ASPRV1: variants seen among roughly 807,000 people sequenced by gnomAD.
ASPRV1 encodes the protein aspartic peptidase retroviral like 1.
In ASPRV1, 7 loss-of-function variants were observed where a neutral mutation model predicts 11.0. That is an observed-to-expected ratio of 0.64 (90% CI 0.36 to 1.20). The LOEUF (loss-of-function observed/expected upper bound fraction) is 1.20. Among genes scored for constraint, ASPRV1 ranks in the 50% most tolerant of loss-of-function variants. The pLI, the probability that ASPRV1 is intolerant of heterozygous loss-of-function variation, is 0.02. For missense variants in ASPRV1, 299 were observed against 320.0 expected (o/e 0.93, Z 0.50); for synonymous variants, 136 against 138.4 (o/e 0.98, Z 0.12).
At chr2:69,955,855 T>C (rs113116035), downstream of ASPRV1, among the ~76,000 whole-genome samples, 650 of 152,144 alleles carry the variant, frequency 4.3e-3, 5 homozygotes, top group African/African-American at 0.015. Flanking sequence ...GAGAGAAATA[T>C]AGAGAAGTGG....
At chr2:70,051,024 C>G in the ASPRV1 span, 3 of 152,042 alleles carry the variant, frequency 2.0e-5, no homozygotes, top group Non-Finnish European at 4.4e-5. Flanking sequence ...TCTGAAAATT[C>G]AACCTTTAAT....
chr2:70,006,917 C>A, the ASPRV1 span, among the ~76,000 whole-genome samples: 5 of 152,166 alleles, frequency 3.3e-5, no homozygotes, highest in Non-Finnish European at 2.9e-5. Flanking sequence ...AGAGTGCAGC[C>A]TTGGGTTGGG....
At chr2:69,949,448 T>C in the ASPRV1 span, among the ~76,000 whole-genome samples, 2 of 152,130 alleles carry the variant, frequency 1.3e-5, no homozygotes, top group Non-Finnish European at 2.9e-5. Context: ...TTGATCACCA[T>C]CGGAATTGTA....
At chr2:69,986,965 C>T in the ASPRV1 span, among the ~76,000 whole-genome samples, 8 of 152,182 alleles carry the variant, frequency 5.3e-5, no homozygotes, top group Non-Finnish European at 1.0e-4. Context: ...GGTCTGGGGC[C>T]TGGCAGAGAG....
At chr2:70,008,414 T>C in the ASPRV1 span, among the ~76,000 whole-genome samples, 2 of 152,170 alleles carry the variant, frequency 1.3e-5, no homozygotes, top group South Asian at 4.2e-4. Flanking sequence ...TTCTCCAGAA[T>C]ATTCAGAAGT....
At chr2:69,956,365 T>C (rs780601039), downstream of ASPRV1, among the ~76,000 whole-genome samples, 15 of 151,110 alleles carry the variant, frequency 9.9e-5, no homozygotes, top group Non-Finnish European at 7.4e-5. Flanking sequence ...GGAGGATCAC[T>C]TGAGCCCAGG....
chr2:70,077,357 T>G, the ASPRV1 span: 4 of 152,166 alleles, frequency 2.6e-5, no homozygotes, highest in Non-Finnish European at 5.9e-5. Flanking sequence ...TTATTTCATT[T>G]CCTTCATGTA....
chr2:70,010,237 G>A, the ASPRV1 span, among the ~76,000 whole-genome samples: 1 of 152,088 alleles, frequency 6.6e-6, no homozygotes, highest in Admixed American at 6.6e-5. Flanking sequence ...TACACAAGTG[G>A]AAAAGCTCTA....
the ASPRV1 span, among the ~76,000 whole-genome samples, chr2:70,054,961 T>C: frequency 1.3e-5 from 2 of 152,208 alleles, no homozygotes; most frequent in African/African-American, 4.8e-5. Context: ...ACAATGTTTA[T>C]ACCCAGCTTT....
the ASPRV1 span, among the ~76,000 whole-genome samples, chr2:69,947,679 G>C: frequency 6.6e-6 from 1 of 152,194 alleles, no homozygotes. Flanking sequence ...CAAGCAGACG[G>C]AAGTGAGGTT....
At chr2:69,958,094 C>G (rs1677980909), downstream of ASPRV1, among the ~76,000 whole-genome samples, 1 of 152,168 alleles carries the variant, frequency 6.6e-6, no homozygotes, top group Non-Finnish European at 1.5e-5. Flanking sequence ...TTTCTGGCTT[C>G]TCTCCCGGGC....
the ASPRV1 span, among the ~76,000 whole-genome samples, chr2:70,072,395 GT>G: frequency 6.6e-6 from 1 of 151,846 alleles, no homozygotes; most frequent in Non-Finnish European, 1.5e-5. Context: ...TCTAGCCTGG[GT>G]GACAAAGCAA....
At chr2:69,950,296 G>C in the ASPRV1 span, among the ~76,000 whole-genome samples, 4,556 of 152,320 alleles carry the variant, frequency 0.03, 226 homozygotes, top group African/African-American at 0.1. Context: ...CCACCCTGCT[G>C]CTGGGGTAAC....
At chr2:69,992,125 C>CA in the ASPRV1 span, among the ~76,000 whole-genome samples, 1 of 152,066 alleles carries the variant, frequency 6.6e-6, no homozygotes, top group Admixed American at 6.6e-5. Context: ...GGCTTCATTT[C>CA]ACTCTTAATG....
At chr2:70,038,479 C>G in the ASPRV1 span, among the ~76,000 whole-genome samples, 1 of 152,096 alleles carries the variant, frequency 6.6e-6, no homozygotes, top group African/African-American at 2.4e-5. Flanking sequence ...ACTCAGGAGG[C>G]TAAGGTGGGA....
At chr2:70,081,022 C>T in the ASPRV1 span, 5 of 152,172 alleles carry the variant, frequency 3.3e-5, no homozygotes, top group East Asian at 3.9e-4. Context: ...CCTCCTGCCT[C>T]TGCGCCCAAA....
chr2:69,943,177 C>T, the ASPRV1 span, among the ~76,000 whole-genome samples: 2 of 152,246 alleles, frequency 1.3e-5, no homozygotes, highest in African/African-American at 4.8e-5. Flanking sequence ...ATCATCCCAC[C>T]TACTGGTTTC....
the ASPRV1 span, among the ~76,000 whole-genome samples, chr2:70,066,470 C>G: frequency 8.9e-4 from 136 of 152,180 alleles, no homozygotes; most frequent in African/African-American, 3.2e-3. Flanking sequence ...AACTCCTGAC[C>G]TCAGATGATC....
chr2:69,976,575 T>C, the ASPRV1 span: 1 of 152,288 alleles, frequency 6.6e-6, no homozygotes, highest in African/African-American at 2.4e-5. Context: ...TTTTAATTAT[T>C]TTTTGAATGC....
Sources: gnomAD v4.1 joint callset for allele counts (sites outside exome capture counted in the v4.1 genomes callset) on GRCh38, gnomAD v4.1.1 for gene constraint, MANE v1.5 for transcripts, NCBI Gene and HGNC (gene_info 2026-07-23, HGNC 2026-07-21) for gene names.